Variants in PPP1R9A observed in about 807,000 individuals in gnomAD.
PPP1R9A encodes the protein neurabin-1.
PPP1R9A carries 59 observed loss-of-function variants against 141.9 expected under a neutral mutation model. That is an observed-to-expected ratio of 0.42 (90% CI 0.34 to 0.52). The LOEUF is 0.52. Ranked by LOEUF, PPP1R9A falls within the 20% of genes least tolerant of loss-of-function variation. The pLI is 0.10. For synonymous variants in PPP1R9A, 500 were observed against 569.7 expected, an observed-to-expected ratio of 0.88 and a Z score of 1.74; for missense variants, 1,444 against 1,611.9, an observed-to-expected ratio of 0.90 and a Z score of 1.78.
At chr7:94,953,119 T>C (rs1311654147) in intron 2 of PPP1R9A, among the ~76,000 whole-genome samples, 1 of 152,232 alleles carries the variant, frequency 6.6e-6, no homozygotes, top group Non-Finnish European at 1.5e-5. Context: ...TAATCCATCT[T>C]GAGTTAATTT....
At chr7:95,165,625 G>C (rs570811180) in intron 5 of PPP1R9A, among the ~76,000 whole-genome samples, 1 of 152,194 alleles carries the variant, frequency 6.6e-6, no homozygotes, top group African/African-American at 2.4e-5. Context: ...GGGGTAATTT[G>C]TATCAGCAGC....
At chr7:95,178,296 A>G (rs547101293) in intron 5 of PPP1R9A, among the ~76,000 whole-genome samples, 1 of 152,162 alleles carries the variant, frequency 6.6e-6, no homozygotes, top group East Asian at 1.9e-4. Flanking sequence ...TGGGTCAAAA[A>G]TGAAATCAAG....
chr7:95,262,692 A>C, intron 12 of PPP1R9A, among the ~76,000 whole-genome samples: 1 of 152,222 alleles, frequency 6.6e-6, no homozygotes, highest in East Asian at 1.9e-4. Flanking sequence ...CCAGAGAAGC[A>C]CTACACTAAC....
rs191385085 is a variant in PPP1R9A at position 95,212,272 on chromosome 7, C to T, written c.1956+8542C>T. On this transcript the variant is annotated intron_variant, in intron 7 of 19. Transcript: ENST00000433360. ...TCATTTAATTTGTAAAGATCAAATC[C>T]GTTTACTTGGGATATCCATCACCAA... Among the ~76,000 whole-genome samples, 410 of 151,872 alleles carry T rather than the reference C, an allele frequency of 2.7e-3. 1 individual carries two copies. Among genetic ancestry groups the T allele is most frequent in the Non-Finnish European group, 3.8e-3 (256 of 67,944 alleles).
At chr7:95,198,941 G>C (rs1788918352) in intron 6 of PPP1R9A, among the ~76,000 whole-genome samples, 1 of 152,150 alleles carries the variant, frequency 6.6e-6, no homozygotes, top group African/African-American at 2.4e-5. Flanking sequence ...AGATTGCTGA[G>C]TGTTTCCAGT....
At chr7:95,000,282 T>C (rs1802735805) in intron 2 of PPP1R9A, among the ~76,000 whole-genome samples, 1 of 152,186 alleles carries the variant, frequency 6.6e-6, no homozygotes, top group Admixed American at 6.5e-5. Context: ...TTCTATTGCA[T>C]TGCAGTGTGT....
At chr7:95,229,837 T>C (rs1019621276) in intron 8 of PPP1R9A, among the ~76,000 whole-genome samples, 1 of 151,978 alleles carries the variant, frequency 6.6e-6, no homozygotes, top group African/African-American at 2.4e-5. Flanking sequence ...AAGTGCCAAC[T>C]CCTGGCTGGA....
chr7:95,222,451 A>G (rs1794591480), intron 7 of PPP1R9A, among the ~76,000 whole-genome samples: 1 of 152,006 alleles, frequency 6.6e-6, no homozygotes, highest in Non-Finnish European at 1.5e-5. Flanking sequence ...GGAATGTCCA[A>G]TGCTGGGCAC....
chr7:95,096,267 A>G (rs1195104077), intron 2 of PPP1R9A, among the ~76,000 whole-genome samples: 3 of 152,096 alleles, frequency 2.0e-5, no homozygotes, highest in Non-Finnish European at 2.9e-5. Context: ...ATTCTCCCTC[A>G]TGTGTTCCTC....
intron 4 of PPP1R9A, among the ~76,000 whole-genome samples, chr7:95,159,176 A>G (rs1274346051): frequency 6.6e-6 from 1 of 152,244 alleles, no homozygotes; most frequent in Non-Finnish European, 1.5e-5. Flanking sequence ...ACATTTTGGC[A>G]TATTGATAAA....
intron 2 of PPP1R9A, among the ~76,000 whole-genome samples, chr7:95,086,200 A>G (rs1816610237): frequency 6.6e-6 from 1 of 151,898 alleles, no homozygotes; most frequent in Admixed American, 6.6e-5. Flanking sequence ...AATAGTTTTA[A>G]AATAGACTGT....
At chr7:95,095,225 TAAAG>T (rs1441087788) in intron 2 of PPP1R9A, among the ~76,000 whole-genome samples, 3 of 152,296 alleles carry the variant, frequency 2.0e-5, no homozygotes, top group East Asian at 1.9e-4. Context: ...TTTATTTTAA[TAAAG>T]AAATTACCAG....
Position 94,910,749 on chromosome 7 carries a change from T to G in PPP1R9A, c.636T>G (p.Thr212=). The G allele has an allele frequency of 6.2e-7, 1 of 1,614,138 alleles. No individual in the cohort carries two copies. Among genetic ancestry groups the G allele is most frequent in the Non-Finnish European group, 8.5e-7 (1 of 1,180,030 alleles). Residue 212 remains threonine, a synonymous_variant, in exon 2 of 20, where the codon ACT becomes ACG. Transcript: ENST00000433360. The surrounding 1 kb of genome is among the most constrained non-coding windows in gnomAD (Gnocchi z 4.5). The stretch of plus-strand genomic sequence containing the variant: ...AACTGAGTGCAGTATTTGAGAACAC[T>G]GATTCTCCCAGTGCCATCATTTCTG... The part of the protein sequence containing the change: ...VSQLSAVFEN[T]DSPSAIISEK...
intron 5 of PPP1R9A, among the ~76,000 whole-genome samples, chr7:95,163,289 A>G (rs553793649): frequency 3.9e-5 from 6 of 152,322 alleles, no homozygotes; most frequent in African/African-American, 7.2e-5. Flanking sequence ...ACAAATTTCA[A>G]AAGTCTTCAA....
At chr7:95,065,415 A>AT (rs35243857) in intron 2 of PPP1R9A, among the ~76,000 whole-genome samples, 75,223 of 151,974 alleles carry the variant, frequency 0.49, 19,560 homozygotes, top group African/African-American at 0.62. Flanking sequence ...CTTTTTCTAG[A>AT]TAGCTAGTTC....
chr7:95,038,181 G>T (rs902265301), intron 2 of PPP1R9A, among the ~76,000 whole-genome samples: 7 of 152,060 alleles, frequency 4.6e-5, no homozygotes, highest in African/African-American at 1.7e-4. Context: ...AAAAACTAGT[G>T]ACTTTTCTTG....
intron 4 of PPP1R9A, among the ~76,000 whole-genome samples, chr7:95,126,827 T>G (rs998207677): frequency 6.6e-6 from 1 of 152,188 alleles, no homozygotes; most frequent in Non-Finnish European, 1.5e-5. Flanking sequence ...ACAAGCAAAG[T>G]GGGTGTTAGA....
At chr7:95,218,814 T>C (rs189932167) in intron 7 of PPP1R9A, among the ~76,000 whole-genome samples, 1 of 152,218 alleles carries the variant, frequency 6.6e-6, no homozygotes, top group Non-Finnish European at 1.5e-5. Flanking sequence ...TGTTTTCCTT[T>C]TGCTTAGTGG....
intron 2 of PPP1R9A, among the ~76,000 whole-genome samples, chr7:94,943,491 G>C (rs1795560315): frequency 6.6e-6 from 1 of 152,328 alleles, no homozygotes; most frequent in South Asian, 2.1e-4. Context: ...GGGGGAAAAA[G>C]TAAGGTAATA....
Sources: allele counts gnomAD v4.1 joint callset (sites outside exome capture counted in the v4.1 genomes callset), GRCh38; gene constraint gnomAD v4.1.1; non-coding constraint Gnocchi (gnomAD v3.1); transcripts MANE v1.5; gene names NCBI Gene and HGNC (gene_info 2026-07-23, HGNC 2026-07-21).